Variants in FRAS1 observed in about 807,000 individuals in gnomAD.
FRAS1 encodes Fraser extracellular matrix complex subunit 1.
A neutral mutation model predicts 435.2 loss-of-function variants in FRAS1; 290 were observed. The observed-to-expected ratio is 0.67, with a 90% CI of 0.61 to 0.73. The LOEUF is 0.73. Among genes scored for constraint, FRAS1 ranks in the 30% least tolerant of loss-of-function variants. The pLI, the probability that FRAS1 is intolerant of heterozygous loss-of-function variation, is 0.00. For synonymous variants in FRAS1, 1,800 were observed against 1,851.0 expected, an observed-to-expected ratio of 0.97 and a Z score of 0.71; for missense variants, 4,860 against 5,001.5, an observed-to-expected ratio of 0.97 and a Z score of 0.85.
rs563044654 is a variant in FRAS1, at chr4:78,464,410, A to T, written c.6889-33A>T. On this transcript the variant is annotated intron_variant, in intron 48 of 73. Coordinates refer to ENST00000512123, the MANE Select transcript of FRAS1 (RefSeq NM_025074.7). Reference sequence around the variant, plus strand: ...GACTTGTTGGGTAGGTGCTAGGGACAGGTGTCCCACCTGCACTTTCCTGCC... The same window carrying T: ...GACTTGTTGGGTAGGTGCTAGGGACTGGTGTCCCACCTGCACTTTCCTGCC... 17 of 1,613,570 alleles carry T rather than the reference A, an allele frequency of 1.1e-5. No homozygotes were observed. In the African/African-American group the frequency reaches 2.3e-4, roughly 22 times the overall value.
chr4:78,221,110 G>A lies in FRAS1; in HGVS notation c.109-16400G>A, dbSNP rs184100774. 7.2e-5 allele frequency among the ~76,000 whole-genome samples: 11 copies of A among 152,298 alleles called. 1 individual carries two copies. Among genetic ancestry groups the A allele is most frequent in the Middle Eastern group, 6.8e-3 (2 of 294 alleles). The stretch of plus-strand genomic sequence containing the variant: ...TTGAGCCCAGGAGGCAGAGATTGCC[G>A]TGAGCTGAGATCACGCCACTGCACT... On this transcript the variant is annotated intron_variant, in intron 2 of 73. Coordinates refer to ENST00000512123, the MANE Select transcript of FRAS1 (RefSeq NM_025074.7).
chr4:78,263,053 C>T (rs936881407), intron 6 of FRAS1, among the ~76,000 whole-genome samples: 8 of 152,098 alleles, frequency 5.3e-5, no homozygotes, highest in African/African-American at 1.7e-4. Context: ...TTTGTTGGCC[C>T]GTGTATTAGA....
intron 2 of FRAS1, among the ~76,000 whole-genome samples, chr4:78,157,832 T>C (rs943238065): frequency 2.6e-5 from 4 of 151,666 alleles, no homozygotes; most frequent in African/African-American, 9.7e-5. Context: ...GTCCCATTTA[T>C]CAATTTTTGT....
chr4:78,491,524 A>G (rs571091330), intron 59 of FRAS1, among the ~76,000 whole-genome samples: 1 of 152,328 alleles, frequency 6.6e-6, no homozygotes, highest in East Asian at 1.9e-4. Flanking sequence ...AACATAATCC[A>G]TCACATAAAC....
intron 2 of FRAS1, among the ~76,000 whole-genome samples, chr4:78,221,594 T>C (rs1724051853): frequency 1.3e-5 from 2 of 152,206 alleles, no homozygotes; most frequent in Non-Finnish European, 2.9e-5. Context: ...TCTACAAATA[T>C]ACATGGATCC....
At chr4:78,208,687 A>T (rs1186174387) in intron 2 of FRAS1, among the ~76,000 whole-genome samples, 2 of 152,114 alleles carry the variant, frequency 1.3e-5, no homozygotes, top group African/African-American at 4.8e-5. Context: ...AATAAATAGA[A>T]CTGGTTTTCA....
intron 2 of FRAS1, among the ~76,000 whole-genome samples, chr4:78,077,905 TAA>T (rs61014553): frequency 6.6e-5 from 9 of 137,164 alleles, no homozygotes; most frequent in East Asian, 4.1e-4. Context: ...AGCCTTGTTC[TAA>T]AAAAAAAAAA....
At chr4:78,337,884 T>C (rs1578260820) in intron 20 of FRAS1, 67 bp downstream of exon 20, 2 of 1,518,752 alleles carry the variant, frequency 1.3e-6, no homozygotes, top group African/African-American at 2.7e-5. Context: ...CATACCAGGC[T>C]TAAGGGGGCT....
chr4:78,123,245 A>G (rs1246715366), intron 2 of FRAS1, among the ~76,000 whole-genome samples: 28 of 152,286 alleles, frequency 1.8e-4, no homozygotes, highest in Non-Finnish European at 5.9e-5. Context: ...TCTTTTCCCC[A>G]TTGCTTTTAT....
chr4:78,282,712 T>A, intron 11 of FRAS1, 108 bp from the exon 12 acceptor site: 1 of 1,245,368 alleles, frequency 8.0e-7, no homozygotes, highest in Non-Finnish European at 1.2e-6. Context: ...GAGTACTGAT[T>A]AGCTGCCTTC....
At chr4:78,530,225 G>A (rs1185256577) in intron 70 of FRAS1, among the ~76,000 whole-genome samples, 2 of 151,896 alleles carry the variant, frequency 1.3e-5, no homozygotes, top group Admixed American at 6.6e-5. Flanking sequence ...AGGGGAGAGA[G>A]GAACGACGGT....
At chr4:78,467,000 A>T (rs1719552275) in intron 50 of FRAS1, among the ~76,000 whole-genome samples, 1 of 152,082 alleles carries the variant, frequency 6.6e-6, no homozygotes, top group South Asian at 2.1e-4. Flanking sequence ...AGATGTTTTG[A>T]TATGGGCATA....
At chr4:78,115,224 G>A (rs368485496) in intron 2 of FRAS1, among the ~76,000 whole-genome samples, 3 of 151,920 alleles carry the variant, frequency 2.0e-5, no homozygotes, top group East Asian at 3.9e-4. Flanking sequence ...TGCTGGATTC[G>A]GTTTGCCAGT....
intron 22 of FRAS1, among the ~76,000 whole-genome samples, chr4:78,364,455 G>A (rs879469442): frequency 3.9e-5 from 6 of 152,130 alleles, no homozygotes; most frequent in Admixed American, 1.3e-4. Flanking sequence ...GACTAAGCAC[G>A]TCTCTGGATT....
rs746714137 is a variant in FRAS1 at position 78,479,547 on chromosome 4, A to G, written c.8272A>G (p.Ile2758Val). ...VTMSTCDVML[I>V]DDSEYEEEEE... ...CATGTCCACCTGTGATGTCATGCTT[A>G]TTGATGACAGCGAGTATGAAGAGGA... The change falls in exon 56 of 74, where the codon ATT becomes GTT. Residue 2758 changes from isoleucine to valine, a missense_variant. Coordinates refer to ENST00000512123, the MANE Select transcript of FRAS1 (RefSeq NM_025074.7). 1 of 1,613,998 alleles carries G rather than the reference A, an allele frequency of 6.2e-7. No homozygotes were observed. The highest frequency in any genetic ancestry group is 8.5e-7 in the Non-Finnish European group (1 of 1,179,846).
At position 78,411,646 on chromosome 4, in the gene FRAS1, G is replaced by A. The variant is rs116196895; in HGVS notation, c.4309-1323G>A. Among the ~76,000 whole-genome samples, 1,140 of 152,232 alleles carry A rather than the reference G, an allele frequency of 7.5e-3. 15 individuals are homozygous for A. The highest frequency in any genetic ancestry group is 0.026 in the African/African-American group (1,061 of 41,540). On this transcript the variant is annotated intron_variant, in intron 31 of 73. Transcript: ENST00000512123. ...CTTTGACACAGCCTTAGGAAATGTG[G>A]TTCAAAACAGACCAACACATCTCCC...
intron 18 of FRAS1, among the ~76,000 whole-genome samples, chr4:78,323,813 T>G (rs1189884305): frequency 6.6e-6 from 1 of 152,198 alleles, no homozygotes; most frequent in Non-Finnish European, 1.5e-5. Context: ...CAGCCTCTGA[T>G]TCTTCTTCTA....
chr4:78,526,192 T>C (rs1721528646), intron 69 of FRAS1, among the ~76,000 whole-genome samples: 1 of 152,144 alleles, frequency 6.6e-6, no homozygotes, highest in African/African-American at 2.4e-5. Context: ...AAACAGAAAT[T>C]GTCAAACAAG....
At chr4:78,375,190 A>G (rs1731706122) in intron 25 of FRAS1, among the ~76,000 whole-genome samples, 1 of 152,238 alleles carries the variant, frequency 6.6e-6, no homozygotes, top group African/African-American at 2.4e-5. Flanking sequence ...TTAAAATACT[A>G]TTAAATACTA....
Sources: allele counts gnomAD v4.1 joint callset (sites outside exome capture counted in the v4.1 genomes callset), GRCh38; gene constraint gnomAD v4.1.1; transcripts MANE v1.5; gene names NCBI Gene and HGNC (gene_info 2026-07-23, HGNC 2026-07-21).